Variants in BBS9 observed in about 807,000 individuals in gnomAD.
BBS9 encodes protein PTHB1.
In BBS9, 89 loss-of-function variants were observed where a neutral mutation model predicts 117.7. The ratio of observed to expected loss-of-function variants is 0.76; its 90% CI spans 0.64 to 0.90. The LOEUF (loss-of-function observed/expected upper bound fraction) is 0.90, where lower values mean the gene tolerates loss of function less well. Among genes scored for constraint, BBS9 ranks in the 40% least tolerant of loss-of-function variants. The pLI is 0.00. For synonymous variants in BBS9, 379 were observed against 370.9 expected, an observed-to-expected ratio of 1.02 and a Z score of -0.25; for missense variants, 982 against 1,042.2, an observed-to-expected ratio of 0.94 and a Z score of 0.80.
chr7:33,191,830 A>G (rs941655814), intron 5 of BBS9, among the ~76,000 whole-genome samples: 2 of 152,194 alleles, frequency 1.3e-5, no homozygotes, highest in Non-Finnish European at 2.9e-5. Context: ...AAATAATGTA[A>G]GTTATGATTT....
At chr7:33,483,953 T>G (rs1842796777) in intron 19 of BBS9, among the ~76,000 whole-genome samples, 1 of 152,194 alleles carries the variant, frequency 6.6e-6, no homozygotes, top group South Asian at 2.1e-4. Context: ...AGACCTTTAC[T>G]GAGTTTTATC....
intron 19 of BBS9, among the ~76,000 whole-genome samples, chr7:33,468,539 ATCT>A (rs1840508762): frequency 6.6e-6 from 1 of 152,286 alleles, no homozygotes; most frequent in East Asian, 1.9e-4. Flanking sequence ...AACATTTGAA[ATCT>A]TCTAGCTATC....
chr7:33,593,396 G>A (rs1016564463), intron 21 of BBS9, among the ~76,000 whole-genome samples: 1 of 152,134 alleles, frequency 6.6e-6, no homozygotes, highest in Admixed American at 6.6e-5. Context: ...ATAGTGAGTA[G>A]AGGTTTTTTT....
intron 21 of BBS9, among the ~76,000 whole-genome samples, chr7:33,565,824 T>C (rs868744010): frequency 0.014 from 713 of 50,578 alleles, 33 homozygotes; most frequent in Middle Eastern, 0.054. Context: ...TATATATATA[T>C]ATACCGCTAT....
chr7:33,445,844 C>T (rs929819897), intron 19 of BBS9, among the ~76,000 whole-genome samples: 1 of 151,990 alleles, frequency 6.6e-6, no homozygotes, highest in African/African-American at 2.4e-5. Flanking sequence ...TTCTTTTTTT[C>T]CTGCCACCAT....
chr7:33,313,758 A>G (rs1234158500), intron 9 of BBS9, among the ~76,000 whole-genome samples: 1 of 152,182 alleles, frequency 6.6e-6, no homozygotes, highest in African/African-American at 2.4e-5. Flanking sequence ...TGTCCCTCTC[A>G]TTAAGTAATC....
intron 9 of BBS9, among the ~76,000 whole-genome samples, chr7:33,308,217 C>A (rs1808451347): frequency 6.6e-6 from 1 of 152,150 alleles, no homozygotes; most frequent in African/African-American, 2.4e-5. Flanking sequence ...AATAAAGGGT[C>A]TGCAGCATCT....
chr7:33,535,768 A>T (rs1277256796), intron 21 of BBS9, among the ~76,000 whole-genome samples: 1 of 151,884 alleles, frequency 6.6e-6, no homozygotes, highest in Non-Finnish European at 1.5e-5. Flanking sequence ...AGGAGACTTG[A>T]GGGAAAAGGG....
chr7:33,484,202 A>T (rs1449067805), intron 19 of BBS9, among the ~76,000 whole-genome samples: 1 of 152,206 alleles, frequency 6.6e-6, no homozygotes, highest in Non-Finnish European at 1.5e-5. Context: ...CATGTTAATC[A>T]ATAGAGTCAG....
rs533097042 is a variant in BBS9, at chr7:33,488,417, G to C, written c.2116-17046G>C. Among the ~76,000 whole-genome samples the C allele has an allele frequency of 2.0e-5, 3 of 152,282 alleles. No homozygotes were observed. The South Asian group carries it at 6.2e-4, about 32-fold the overall frequency. On this transcript the variant is annotated intron_variant, in intron 19 of 22. Coordinates refer to ENST00000242067, the MANE Select transcript of BBS9 (RefSeq NM_198428.3). ...TGCCTGTTTAATTTGTAAAGTTGTT[G>C]TGAATACTTAATGAGATAGTGTAGG...
chr7:33,200,806 C>T (rs1279794675), intron 5 of BBS9, among the ~76,000 whole-genome samples: 2 of 152,146 alleles, frequency 1.3e-5, no homozygotes, highest in African/African-American at 4.8e-5. Flanking sequence ...GTTTTCCTCA[C>T]ATTTCTGGTC....
At chr7:33,575,021 A>T (rs1465771624) in intron 21 of BBS9, among the ~76,000 whole-genome samples, 2 of 152,082 alleles carry the variant, frequency 1.3e-5, no homozygotes, top group Non-Finnish European at 2.9e-5. Context: ...TCTGGCTTCT[A>T]CTATTATGTA....
chr7:33,304,066 G>A (rs191833476), intron 9 of BBS9, among the ~76,000 whole-genome samples: 2,415 of 146,160 alleles, frequency 0.017, 56 homozygotes, highest in African/African-American at 0.058. Flanking sequence ...AGTGAGGAGC[G>A]TCTCTGCCTG....
chr7:33,290,001 G>A lies in BBS9; in HGVS notation c.1016+16045G>A, dbSNP rs979502098. ...GCAGAGGTCGCAGTGAGCCGAGAGT[G>A]CACCACTGCACTCCAGCCTGGTGAC... On this transcript the variant is annotated intron_variant, in intron 9 of 22. Coordinates refer to ENST00000242067, the MANE Select transcript of BBS9 (RefSeq NM_198428.3). Among the ~76,000 whole-genome samples the A allele has an allele frequency of 6.0e-5, 9 of 151,082 alleles. No homozygotes were observed. In the East Asian group the frequency reaches 1.8e-3, roughly 30 times the overall value.
intron 21 of BBS9, among the ~76,000 whole-genome samples, chr7:33,588,092 T>C (rs1041903462): frequency 1.3e-5 from 2 of 152,144 alleles, no homozygotes; most frequent in Admixed American, 6.6e-5. Context: ...CTCTGTTATT[T>C]CTTTTTAACT....
chr7:33,597,435 C>T (rs1463088161), intron 21 of BBS9, among the ~76,000 whole-genome samples: 1 of 148,144 alleles, frequency 6.8e-6, no homozygotes, highest in Non-Finnish European at 1.5e-5. Flanking sequence ...GTCTCCTTGC[C>T]TGATTCCTCT....
rs1827882622 is a variant in BBS9 at position 33,395,944 on chromosome 7, T to C, written c.2115+7800T>C. Among the ~76,000 whole-genome samples, 3 of 152,192 alleles carry C rather than the reference T, an allele frequency of 2.0e-5. No homozygotes were observed. In the South Asian group the frequency reaches 6.2e-4, roughly 31 times the overall value. On this transcript the variant is annotated intron_variant, in intron 19 of 22. Transcript: ENST00000242067. ...CATGGATGTGGTGATGTTGCTGGGC[T>C]TGTTTTTCATATAACCACTTAAGAG... is the stretch of plus-strand genomic sequence containing the variant.
intron 4 of BBS9, among the ~76,000 whole-genome samples, chr7:33,159,647 CTT>C (rs888355534): frequency 2.0e-4 from 31 of 152,198 alleles, no homozygotes; most frequent in African/African-American, 7.5e-4. Context: ...GTTCCACTCT[CTT>C]TTAACATCAA....
intron 19 of BBS9, among the ~76,000 whole-genome samples, chr7:33,441,412 A>C (rs964478479): frequency 2.6e-5 from 4 of 152,242 alleles, no homozygotes; most frequent in African/African-American, 9.6e-5. Flanking sequence ...ATTTGCAAAA[A>C]ATATTTAATA....
Sources: allele counts gnomAD v4.1 joint callset (sites outside exome capture counted in the v4.1 genomes callset), GRCh38; gene constraint gnomAD v4.1.1; transcripts MANE v1.5; gene names NCBI Gene and HGNC (gene_info 2026-07-23, HGNC 2026-07-21).